WRN: variants seen among roughly 807,000 people sequenced by gnomAD.
WRN encodes the protein WRN RecQ like helicase.
WRN carries 149 observed loss-of-function variants against 180.7 expected under a neutral mutation model. The ratio of observed to expected loss-of-function variants is 0.82; its 90% CI spans 0.72 to 0.94. The LOEUF is 0.94. Among genes scored for constraint, WRN ranks in the 40% least tolerant of loss-of-function variants. The probability of loss-of-function intolerance (pLI) is 0.00; values close to 1 mark genes in which losing one functional copy is unlikely to be tolerated. For synonymous variants in WRN, 548 were observed against 568.9 expected, an observed-to-expected ratio of 0.96 and a Z score of 0.52; for missense variants, 1,661 against 1,700.1, an observed-to-expected ratio of 0.98 and a Z score of 0.40.
chr8:31,170,114 TTGG>T (rs1804048983), intron 34 of WRN, among the ~76,000 whole-genome samples: 1 of 152,198 alleles, frequency 6.6e-6, no homozygotes, highest in South Asian at 2.1e-4. Context: ...TTAATTGCTG[TTGG>T]TGGTTTGCCC....
chr8:31,062,604 G>C lies in WRN; in HGVS notation c.210-1685G>C, dbSNP rs138980122. ...TATATATATTTTTTTATAGAGATGG[G>C]GTTTTTGCCATGTTGCCCAGGCGGT... On this transcript the variant is annotated intron_variant, in intron 3 of 34. Transcript: ENST00000298139. Among the ~76,000 whole-genome samples, 712 of 151,672 alleles carry C rather than the reference G, an allele frequency of 4.7e-3. 4 individuals are homozygous for C. Among genetic ancestry groups the C allele is most frequent in the African/African-American group, 0.017 (696 of 41,366 alleles).
intron 33 of WRN, among the ~76,000 whole-genome samples, chr8:31,161,425 C>G (rs1259933988): frequency 6.6e-6 from 1 of 152,148 alleles, no homozygotes; most frequent in Non-Finnish European, 1.5e-5. Context: ...TAGCTCCTGT[C>G]TTCAAACCTG....
chr8:31,100,702 G>T (rs1197199723), intron 17 of WRN, 147 bp from the exon 18 acceptor site: 6 of 651,972 alleles, frequency 9.2e-6, no homozygotes, highest in South Asian at 3.7e-5. Context: ...ATGATTTTTG[G>T]TGTTAATATG....
chr8:31,123,851 A>T (rs1263995696), intron 21 of WRN, among the ~76,000 whole-genome samples: 1 of 152,148 alleles, frequency 6.6e-6, no homozygotes, highest in Non-Finnish European at 1.5e-5. Flanking sequence ...CAGAGTCATG[A>T]TGAATTATGG....
chr8:31,108,706 A>G (rs1045484664), intron 18 of WRN, among the ~76,000 whole-genome samples: 9 of 152,162 alleles, frequency 5.9e-5, no homozygotes, highest in African/African-American at 1.9e-4. Flanking sequence ...AGTGTTACAC[A>G]AGGGCCAAAG....
chr8:31,104,032 C>A (rs2130247745), intron 18 of WRN, among the ~76,000 whole-genome samples: 1 of 152,316 alleles, frequency 6.6e-6, no homozygotes, highest in South Asian at 2.1e-4. Context: ...CTGCGCCCGG[C>A]CTTCAGAGAT....
intron 22 of WRN, 33 bp from the exon 23 acceptor site, chr8:31,124,875 C>T (rs374334334): frequency 2.5e-6 from 4 of 1,583,720 alleles, no homozygotes; most frequent in South Asian, 2.2e-5. Flanking sequence ...CGTTTCTGTT[C>T]TTTTATTTAA....
chr8:31,163,884 A>G (rs1413675202), intron 33 of WRN, among the ~76,000 whole-genome samples: 1 of 145,654 alleles, frequency 6.9e-6, no homozygotes, highest in Non-Finnish European at 1.5e-5. Context: ...ACAAGGTCTT[A>G]CTCTGTTTCC....
intron 3 of WRN, among the ~76,000 whole-genome samples, chr8:31,060,651 A>G (rs1812454393): frequency 1.3e-5 from 2 of 152,174 alleles, no homozygotes; most frequent in African/African-American, 2.4e-5. Context: ...TACTTTTACT[A>G]CAGTTATCTG....
At chr8:31,097,080 T>G (rs143009136) in intron 17 of WRN, among the ~76,000 whole-genome samples, 151 of 152,330 alleles carry the variant, frequency 9.9e-4, no homozygotes, top group African/African-American at 3.5e-3. Context: ...TGTTTATATA[T>G]CTGTTTTCTT....
chr8:31,081,146 A>T lies in WRN; in HGVS notation c.1119A>T (p.Gly373=). ...ATAAAGTGGAACGAAAAGAAGATGG[A>T]TTTGAAGATGGAGTAGAAGACAACA... The part of the protein sequence containing the change: ...LGNKVERKED[G]FEDGVEDNKL... Residue 373 remains glycine, a synonymous_variant, in exon 9 of 35, where the codon GGA becomes GGT. Coordinates refer to ENST00000298139, the MANE Select transcript of WRN (RefSeq NM_000553.6). 2 of 1,614,062 alleles carry T rather than the reference A, an allele frequency of 1.2e-6. No individual in the cohort carries two copies. The highest frequency in any genetic ancestry group is 1.7e-6 in the Non-Finnish European group (2 of 1,179,970).
rs1802645672 is a variant in WRN at position 31,141,743 on chromosome 8, A to C, written c.3201A>C (p.Glu1067Asp). 1 of 1,614,010 alleles carries C rather than the reference A, an allele frequency of 6.2e-7. No individual in the cohort carries two copies. The highest frequency in any genetic ancestry group is 8.5e-7 in the Non-Finnish European group (1 of 1,180,032). Residue 1067 changes from glutamate (E) to aspartate (D), a missense_variant, in exon 26 of 35, where the codon GAA becomes GAC. Physicochemically the swap from Glu to Asp is conservative, Grantham distance 45. This residue lies in a region of WRN where 1,141 missense variants were observed against 1,149.4 expected (regional missense o/e 0.99). Coordinates refer to ENST00000298139, the MANE Select transcript of WRN (RefSeq NM_000553.6). ...AGAGCCTCATCCTTCAAGCTAATGAAGAATTGTGTCCAAAGAAGTTGCTTC... is the reference window on the plus strand; with the variant it reads ...AGAGCCTCATCCTTCAAGCTAATGACGAATTGTGTCCAAAGAAGTTGCTTC... ...ESQSLILQAN[E>D]ELCPKKLLLP...
In WRN at chr8:31,077,883, GA is replaced by G. The variant is rs757987086; in HGVS notation, c.839+1600del. ...AGAAGTTTGGAGGTTATAGAAAAAG[GA>G]AAATGTGACATTGTTTTTCCAGAAA... On this transcript the variant is annotated intron_variant, in intron 8 of 34. Coordinates refer to ENST00000298139, the MANE Select transcript of WRN (RefSeq NM_000553.6). 5.5e-4 allele frequency among the ~76,000 whole-genome samples: 83 copies of G among 152,266 alleles called. 1 individual carries two copies. The highest frequency in any genetic ancestry group is 8.7e-4 in the Non-Finnish European group (59 of 68,018).
At chr8:31,115,924 T>C (rs2130303054) in intron 19 of WRN, among the ~76,000 whole-genome samples, 1 of 152,324 alleles carries the variant, frequency 6.6e-6, no homozygotes, top group South Asian at 2.1e-4. Context: ...ATTTAGAAAC[T>C]CAGCTTTATT....
chr8:31,058,051 A>G (rs1812340952), intron 1 of WRN, among the ~76,000 whole-genome samples: 1 of 152,240 alleles, frequency 6.6e-6, no homozygotes, highest in Admixed American at 6.5e-5. Flanking sequence ...AATCATGTAG[A>G]AAATTTAAAA....
chr8:31,078,995 A>T (rs1813200887), intron 8 of WRN, among the ~76,000 whole-genome samples: 1 of 152,220 alleles, frequency 6.6e-6, no homozygotes, highest in Non-Finnish European at 1.5e-5. Context: ...TCCATGTAAC[A>T]GTTAAACTGT....
At chr8:31,076,127 TCTG>T (rs1298835569) in intron 7 of WRN, 43 bp from the exon 8 acceptor site, 1 of 1,458,298 alleles carries the variant, frequency 6.9e-7, no homozygotes, top group African/African-American at 1.4e-5. Flanking sequence ...AATGAATATC[TCTG>T]CTTTGTGGTT....
At chr8:31,052,576 C>CG in intron 1 of WRN, among the ~76,000 whole-genome samples, 1 of 151,964 alleles carries the variant, frequency 6.6e-6, no homozygotes, top group Non-Finnish European at 1.5e-5. Flanking sequence ...TTAGTAGAGA[C>CG]GGGGTTTCGC....
At chr8:31,171,097 A>G (rs1368737995) in intron 34 of WRN, 2 of 152,176 alleles carry the variant, frequency 1.3e-5, no homozygotes, top group East Asian at 3.8e-4. Flanking sequence ...TAACACGCAT[A>G]ATAAGGTCAT....
Sources: gnomAD v4.1 joint callset for allele counts (sites outside exome capture counted in the v4.1 genomes callset) on GRCh38, gnomAD v4.1.1 for gene constraint, gnomAD v4.1.1 regional missense constraint, MANE v1.5 for transcripts, NCBI Gene and HGNC (gene_info 2026-07-23, HGNC 2026-07-21) for gene names.